The following ACCSL variants were observed in gnomAD, a reference collection of about 807,000 sequenced individuals.
The protein encoded by ACCSL is 1-aminocyclopropane-1-carboxylate synthase homolog (inactive) like.
ACCSL carries 55 observed loss-of-function variants against 61.7 expected under a neutral mutation model. That is an observed-to-expected ratio of 0.89 (90% CI 0.72 to 1.12). The LOEUF is 1.12. ACCSL is among the 50% of genes most tolerant of loss of function. The pLI, the probability that ACCSL is intolerant of heterozygous loss-of-function variation, is 0.00. For missense variants in ACCSL, 632 were observed against 698.0 expected (o/e 0.91, Z 1.07); for synonymous variants, 258 against 264.3 (o/e 0.98, Z 0.23).
the ACCSL span, among the ~76,000 whole-genome samples, chr11:44,000,147 T>C: frequency 1.3e-5 from 2 of 152,058 alleles, no homozygotes; most frequent in African/African-American, 4.8e-5. Context: ...TATTTTGAGA[T>C]GGAGTCTTGC....
At chr11:43,937,217 T>C in the ACCSL span, among the ~76,000 whole-genome samples, 1 of 152,144 alleles carries the variant, frequency 6.6e-6, no homozygotes, top group Non-Finnish European at 1.5e-5. Context: ...AGCTCTGTGC[T>C]GGGTGCTGGA....
At chr11:43,943,826 A>G in the ACCSL span, 7 of 1,300,318 alleles carry the variant, frequency 5.4e-6, no homozygotes, top group African/African-American at 3.0e-5. The surrounding 1 kb of genome is among the most constrained non-coding windows in gnomAD (Gnocchi z 4.8). Flanking sequence ...TTTTACCTGG[A>G]TATGTCTGTG....
At position 44,053,006 on chromosome 11, in the gene ACCSL, A is replaced by C. The variant is rs1952649391; in HGVS notation, c.886A>C (p.Thr296Pro). 1.2e-6 allele frequency: 2 copies of C among 1,613,914 alleles called. No individual in the cohort carries two copies. Among genetic ancestry groups the C allele is most frequent in the Non-Finnish European group, 1.7e-6 (2 of 1,179,984 alleles). The change falls in exon 7 of 14, where the codon ACC becomes CCC. Residue 296 changes from threonine (T) to proline (P), a missense_variant. Thr to Pro is a conservative substitution (Grantham distance 38). Transcript: ENST00000378832. ...HLESEVTVTNTHPFQLTVDKL... is the reference protein window; with the variant it reads ...HLESEVTVTNPHPFQLTVDKL... ...TCTCTTCCAGGTCACTGTTACAAAC[A>C]CCCATCCTTTCCAGCTCACTGTGGA...
chr11:44,050,122 G>A lies in ACCSL; in HGVS notation c.564+1G>A. ...CTGCATGGATCTGATGACTGAAAGA[G>A]TAAGGATGTTCTGGGCTGTGTTGGG... On this transcript the variant is annotated splice_donor_variant, in intron 2 of 13. Coordinates refer to ENST00000378832, the MANE Select transcript of ACCSL (RefSeq NM_001031854.2). LOFTEE classifies it high-confidence loss of function. 1 of 1,613,680 alleles carries A rather than the reference G, an allele frequency of 6.2e-7. No homozygotes were observed. Among genetic ancestry groups the A allele is most frequent in the East Asian group, 2.2e-5 (1 of 44,876 alleles).
At chr11:44,034,331 C>T in the ACCSL span, among the ~76,000 whole-genome samples, 1 of 152,090 alleles carries the variant, frequency 6.6e-6, no homozygotes, top group African/African-American at 2.4e-5. Context: ...TGACATGGCC[C>T]CTGGCTGAGC....
the ACCSL span, among the ~76,000 whole-genome samples, chr11:44,005,101 C>T: frequency 6.9e-6 from 1 of 145,422 alleles, no homozygotes; most frequent in Admixed American, 6.8e-5. Context: ...TTTCGAGTCC[C>T]GGCAAGCTCA....
intron 12 of ACCSL, 34 bp from the exon 13 acceptor site, chr11:44,058,512 C>G (rs774724907): frequency 1.2e-6 from 2 of 1,613,888 alleles, no homozygotes; most frequent in Non-Finnish European, 1.7e-6. Context: ...CCAGCTGGGT[C>G]TTGGGCTCAG....
chr11:43,950,229 A>G, the ACCSL span, among the ~76,000 whole-genome samples: 1 of 152,208 alleles, frequency 6.6e-6, no homozygotes, highest in Non-Finnish European at 1.5e-5. Flanking sequence ...GATGTCTCAT[A>G]TCTCCCTAAA....
At chr11:43,934,955 G>T in the ACCSL span, among the ~76,000 whole-genome samples, 1 of 152,120 alleles carries the variant, frequency 6.6e-6, no homozygotes, top group African/African-American at 2.4e-5. Context: ...GACGATGGGG[G>T]AGGTGGTGCA....
rs1477717849 is a variant in ACCSL at position 44,048,008 on chromosome 11, C to G, written c.-29C>G. The G allele has an allele frequency of 6.3e-7, 1 of 1,591,674 alleles. No homozygotes were observed. The highest frequency in any genetic ancestry group is 1.1e-5 in the South Asian group (1 of 89,308). On this transcript the variant is annotated 5_prime_UTR_variant, in exon 1 of 14. Coordinates refer to ENST00000378832, the MANE Select transcript of ACCSL (RefSeq NM_001031854.2). ...TCTTTCTCCATAGGTGCCAGGCAGC[C>G]TTCAGAGGCCAGTAAAGATACCCGG...
the ACCSL span, among the ~76,000 whole-genome samples, chr11:43,935,069 C>G: frequency 6.6e-6 from 1 of 152,188 alleles, no homozygotes; most frequent in Admixed American, 6.5e-5. Context: ...ACAGGCTGCT[C>G]TGGCTGAAGG....
At chr11:43,929,275 A>G in the ACCSL span, among the ~76,000 whole-genome samples, 3 of 152,278 alleles carry the variant, frequency 2.0e-5, no homozygotes, top group Non-Finnish European at 1.5e-5. Context: ...GGCTGGAGTC[A>G]TTGGCACAGT....
the ACCSL span, among the ~76,000 whole-genome samples, chr11:44,020,882 G>C: frequency 2.0e-5 from 3 of 151,874 alleles, no homozygotes; most frequent in Admixed American, 2.0e-4. Flanking sequence ...TATAATGTTT[G>C]GTTTCTCATT....
the ACCSL span, among the ~76,000 whole-genome samples, chr11:43,961,029 C>A: frequency 6.6e-6 from 1 of 152,180 alleles, no homozygotes; most frequent in Non-Finnish European, 1.5e-5. Context: ...CCATGTTGGG[C>A]AGGCCAGTCT....
chr11:44,025,093 T>C, the ACCSL span, among the ~76,000 whole-genome samples: 1 of 152,192 alleles, frequency 6.6e-6, no homozygotes, highest in African/African-American at 2.4e-5. Context: ...GTGTATTTCT[T>C]ATAAACATCA....
chr11:44,016,138 C>T, the ACCSL span, among the ~76,000 whole-genome samples: 2 of 152,076 alleles, frequency 1.3e-5, no homozygotes, highest in Admixed American at 6.6e-5. Flanking sequence ...CTTTTTTGTG[C>T]CTTGATAAAG....
At chr11:44,024,882 G>A in the ACCSL span, among the ~76,000 whole-genome samples, 1 of 152,088 alleles carries the variant, frequency 6.6e-6, no homozygotes, top group Non-Finnish European at 1.5e-5. Context: ...GTGCATAGAT[G>A]CATAGAATTG....
chr11:44,043,990 G>T (rs1840815447), upstream of ACCSL, among the ~76,000 whole-genome samples: 1 of 152,070 alleles, frequency 6.6e-6, no homozygotes, highest in Non-Finnish European at 1.5e-5. Context: ...TGTGCTGGTG[G>T]TTTTAGGTCA....
chr11:43,967,367 C>T, the ACCSL span, among the ~76,000 whole-genome samples: 17 of 151,486 alleles, frequency 1.1e-4, no homozygotes, highest in Admixed American at 2.6e-4. Context: ...TTAATAGAGA[C>T]GGGGTTTCAC....
Sources: allele counts gnomAD v4.1 joint callset (sites outside exome capture counted in the v4.1 genomes callset), GRCh38; gene constraint gnomAD v4.1.1; non-coding constraint Gnocchi (gnomAD v3.1); transcripts MANE v1.5; gene names NCBI Gene and HGNC (gene_info 2026-07-23, HGNC 2026-07-21).